Variants in PRKN observed in about 807,000 individuals in gnomAD.
PRKN encodes E3 ubiquitin-protein ligase parkin.
PRKN carries 56 observed loss-of-function variants against 59.5 expected under a neutral mutation model. The ratio of observed to expected loss-of-function variants is 0.94; its 90% CI spans 0.76 to 1.18. The LOEUF is 1.18. PRKN is among the 50% of genes most tolerant of loss of function. PRKN has a pLI of 0.00. For synonymous variants in PRKN, 250 were observed against 222.1 expected (o/e 1.13, Z -1.12); for missense variants, 657 against 596.4 (o/e 1.10, Z -1.06).
At chr6:161,826,458 C>A (rs1263025983) in intron 6 of PRKN, among the ~76,000 whole-genome samples, 3 of 152,166 alleles carry the variant, frequency 2.0e-5, no homozygotes, top group Non-Finnish European at 4.4e-5. Context: ...TAGTATATTT[C>A]TGCTCATCCT....
intron 7 of PRKN, among the ~76,000 whole-genome samples, chr6:161,645,827 T>G (rs1329299439): frequency 6.6e-6 from 1 of 152,242 alleles, no homozygotes; most frequent in Non-Finnish European, 1.5e-5. Context: ...ACATGTCCAG[T>G]AGAAACAGTC....
At chr6:162,013,176 GTATT>G (rs1782801724) in intron 5 of PRKN, among the ~76,000 whole-genome samples, 1 of 152,002 alleles carries the variant, frequency 6.6e-6, no homozygotes, top group South Asian at 2.1e-4. Context: ...ATTTATGTAT[GTATT>G]TATTTGGTTA....
intron 10 of PRKN, among the ~76,000 whole-genome samples, chr6:161,381,443 T>C (rs1785981076): frequency 6.6e-6 from 1 of 152,178 alleles, no homozygotes; most frequent in Non-Finnish European, 1.5e-5. Flanking sequence ...GAGATAAGCC[T>C]CAGAATAAGA....
intron 1 of PRKN, among the ~76,000 whole-genome samples, chr6:162,715,129 C>T (rs1023753285): frequency 2.0e-5 from 3 of 152,078 alleles, no homozygotes; most frequent in Non-Finnish European, 4.4e-5. Context: ...ATTTTTTTCT[C>T]CCATCTCAAC....
Position 161,593,071 on chromosome 6 carries a change from T to C in PRKN, c.872-23655A>G, listed in dbSNP as rs532062564. The stretch of plus-strand genomic sequence containing the variant: ...GTCCTCAGATGCGCTGCACCCCACG[T>C]CCGCTGCTGTTAACATCCTACATAA... On this transcript the variant is annotated intron_variant, in intron 7 of 11. Transcript: ENST00000366898. The surrounding 1 kb of genome is among the most constrained non-coding windows in gnomAD (Gnocchi z 4.8). 1.3e-5 allele frequency among the ~76,000 whole-genome samples: 2 copies of C among 152,316 alleles called. No homozygotes were observed. The highest frequency in any genetic ancestry group is 4.8e-5 in the African/African-American group (2 of 41,574).
intron 1 of PRKN, among the ~76,000 whole-genome samples, chr6:162,483,311 G>A (rs938431781): frequency 1.1e-4 from 17 of 152,122 alleles, no homozygotes; most frequent in Admixed American, 5.9e-4. Flanking sequence ...GGGGAGTTGC[G>A]ATTGTTTTGT....
At chr6:162,109,814 G>A (rs1246984815) in intron 4 of PRKN, among the ~76,000 whole-genome samples, 1 of 152,152 alleles carries the variant, frequency 6.6e-6, no homozygotes, top group African/African-American at 2.4e-5. Context: ...AGCTGTTTAT[G>A]AGTCAAACTG....
rs746315190 is a variant in PRKN, at chr6:161,548,839, G to A, written c.1083+15C>T. 1.9e-6 allele frequency: 3 copies of A among 1,612,608 alleles called. No individual in the cohort carries two copies. On this transcript the variant is annotated intron_variant, in intron 9 of 11. Transcript: ENST00000366898. This position sits in a 1 kb window ranked among gnomAD's most constrained non-coding sequence, Gnocchi z 4.2. ...GACAGGAACACACCGCTCCAGGGGT[G>A]TGGGCAGTACTCACCCCACAGCCCA... is the stretch of plus-strand genomic sequence containing the variant.
intron 4 of PRKN, among the ~76,000 whole-genome samples, chr6:162,116,130 G>T (rs983534019): frequency 1.3e-5 from 2 of 152,192 alleles, no homozygotes; most frequent in African/African-American, 2.4e-5. Flanking sequence ...TGAGCAGGGG[G>T]TATAGATATA....
chr6:162,282,688 C>T (rs4709589), intron 2 of PRKN, among the ~76,000 whole-genome samples: 10,782 of 152,098 alleles, frequency 0.071, 1,074 homozygotes, highest in East Asian at 0.5. Flanking sequence ...GAAAAGAAGG[C>T]GGTCTATTTT....
intron 4 of PRKN, among the ~76,000 whole-genome samples, chr6:162,077,471 ATGGC>A (rs1234294992): frequency 6.6e-6 from 1 of 152,040 alleles, no homozygotes; most frequent in African/African-American, 2.4e-5. Context: ...TTGCCACTTT[ATGGC>A]TGTTTATTTT....
At chr6:162,392,488 A>G (rs1320474308) in intron 2 of PRKN, among the ~76,000 whole-genome samples, 1 of 151,962 alleles carries the variant, frequency 6.6e-6, no homozygotes, top group Non-Finnish European at 1.5e-5. Context: ...CTACAACTTA[A>G]TTTTTCTTTC....
At chr6:162,149,724 C>A (rs1782181250) in intron 4 of PRKN, among the ~76,000 whole-genome samples, 1 of 152,094 alleles carries the variant, frequency 6.6e-6, no homozygotes, top group African/African-American at 2.4e-5. Flanking sequence ...GCAGAAATAA[C>A]CCGATCCTTG....
At chr6:162,036,192 C>T (rs1362524925) in intron 5 of PRKN, among the ~76,000 whole-genome samples, 6 of 150,664 alleles carry the variant, frequency 4.0e-5, no homozygotes, top group Non-Finnish European at 7.4e-5. Flanking sequence ...GGCGTGGTGG[C>T]GGGCGCCTGT....
chr6:161,887,372 G>C (rs1362702794), intron 6 of PRKN, among the ~76,000 whole-genome samples: 1 of 152,150 alleles, frequency 6.6e-6, no homozygotes, highest in South Asian at 2.1e-4. Flanking sequence ...TAGTTAATTT[G>C]ATAAAAACAA....
intron 2 of PRKN, among the ~76,000 whole-genome samples, chr6:162,386,814 T>C (rs1264677969): frequency 2.0e-5 from 3 of 152,280 alleles, no homozygotes; most frequent in Non-Finnish European, 4.4e-5. Flanking sequence ...AATATGATTT[T>C]ATAGTTTCAA....
chr6:162,418,706 G>A (rs1389383072), intron 2 of PRKN, among the ~76,000 whole-genome samples: 4 of 150,146 alleles, frequency 2.7e-5, no homozygotes, highest in Non-Finnish European at 4.4e-5. Context: ...CCCATTAGGA[G>A]GGCAGATGGA....
At chr6:162,495,112 G>A (rs1424052070) in intron 1 of PRKN, among the ~76,000 whole-genome samples, 1 of 152,132 alleles carries the variant, frequency 6.6e-6, no homozygotes, top group African/African-American at 2.4e-5. Flanking sequence ...GAGCTATTTG[G>A]GTAGAGTACT....
intron 4 of PRKN, among the ~76,000 whole-genome samples, chr6:162,068,924 A>C (rs1778453863): frequency 6.6e-6 from 1 of 152,176 alleles, no homozygotes; most frequent in Non-Finnish European, 1.5e-5. Context: ...AAAGTTTCAG[A>C]AATGGTAACT....
Sources: allele counts gnomAD v4.1 joint callset (sites outside exome capture counted in the v4.1 genomes callset), GRCh38; gene constraint gnomAD v4.1.1; non-coding constraint Gnocchi (gnomAD v3.1); transcripts MANE v1.5; gene names NCBI Gene and HGNC (gene_info 2026-07-23, HGNC 2026-07-21).